Variants in ZSWIM6 observed in about 807,000 individuals in gnomAD.
The protein encoded by ZSWIM6 is zinc finger SWIM domain-containing protein 6.
In ZSWIM6, 9 loss-of-function variants were observed where a neutral mutation model predicts 113.2. The observed-to-expected ratio is 0.08, with a 90% CI of 0.05 to 0.14. The LOEUF (loss-of-function observed/expected upper bound fraction) is 0.14, where lower values mean the gene tolerates loss of function less well. Among genes scored for constraint, ZSWIM6 ranks in the 10% least tolerant of loss-of-function variants. The pLI is 1.00. For missense variants in ZSWIM6, 1,162 were observed against 1,552.2 expected, an observed-to-expected ratio of 0.75 and a Z score of 4.22; for synonymous variants, 611 against 606.5, an observed-to-expected ratio of 1.01 and a Z score of -0.11.
At chr5:61,404,352 T>G (rs1746006363) in intron 1 of ZSWIM6, among the ~76,000 whole-genome samples, 1 of 152,200 alleles carries the variant, frequency 6.6e-6, no homozygotes, top group Admixed American at 6.5e-5. Flanking sequence ...CTTTCCGATC[T>G]TTAGGGGAAA....
Position 61,482,136 on chromosome 5 carries a change from G to A in ZSWIM6, c.1034-8650G>A, listed in dbSNP as rs1004123399. Among the ~76,000 whole-genome samples, 28 of 152,274 alleles carry A rather than the reference G, an allele frequency of 1.8e-4. 1 individual carries two copies. Among genetic ancestry groups the A allele is most frequent in the Admixed American group, 5.9e-4 (9 of 15,292 alleles). On this transcript the variant is annotated intron_variant, in intron 2 of 13. Coordinates refer to ENST00000252744, the MANE Select transcript of ZSWIM6 (RefSeq NM_020928.2). ...GGTTTGTCTTTGATTATAGACAGCC[G>A]TTAACAAGTAGACATAAATTTTGCA... is the stretch of plus-strand genomic sequence containing the variant.
intron 1 of ZSWIM6, among the ~76,000 whole-genome samples, chr5:61,445,513 A>G (rs779311065): frequency 1.3e-5 from 2 of 152,232 alleles, no homozygotes; most frequent in Non-Finnish European, 2.9e-5. Context: ...GGATAAAAAA[A>G]TCATTGGAAA....
In ZSWIM6 at chr5:61,332,399, C is replaced by A; in HGVS notation, c.127C>A (p.Arg43=). The change falls in exon 1 of 14, where the codon CGG becomes AGG. Residue 43 remains arginine, a synonymous_variant. Transcript: ENST00000252744. The stretch of plus-strand genomic sequence containing the variant: ...GGGTGGCGGCTACAGCTCTGCCTGT[C>A]GGCCAGGCCCGCGGGCGGGTGGCGC... The part of the protein sequence containing the change: ...GAGGGYSSAC[R]PGPRAGGAAA... 2.0e-6 allele frequency: 2 copies of A among 991,008 alleles called. No homozygotes were observed. Among genetic ancestry groups the A allele is most frequent in the South Asian group, 9.1e-5 (2 of 22,072 alleles). 61.4% of individuals were successfully genotyped at this position (991,008 alleles called of 1,614,324 possible). A position where few individuals can be genotyped will look rare whatever the true frequency, so the allele number is the denominator to read the frequency against.
chr5:61,431,407 T>C (rs1004545181), intron 1 of ZSWIM6, among the ~76,000 whole-genome samples: 27 of 139,444 alleles, frequency 1.9e-4, no homozygotes, highest in African/African-American at 6.9e-4. Flanking sequence ...AATCATCTTA[T>C]GGTAAATAAA....
intron 1 of ZSWIM6, among the ~76,000 whole-genome samples, chr5:61,371,451 T>C (rs1745260466): frequency 6.6e-6 from 1 of 152,218 alleles, no homozygotes. Flanking sequence ...TTTACCTAAA[T>C]TGCTTTTATT....
At chr5:61,414,789 A>G (rs1389078505) in intron 1 of ZSWIM6, among the ~76,000 whole-genome samples, 2 of 152,224 alleles carry the variant, frequency 1.3e-5, no homozygotes, top group African/African-American at 4.8e-5. Flanking sequence ...TCAGCGTTCA[A>G]TACTGCTGTT....
intron 2 of ZSWIM6, among the ~76,000 whole-genome samples, chr5:61,485,591 C>T (rs897515683): frequency 2.4e-4 from 36 of 152,234 alleles, no homozygotes; most frequent in African/African-American, 7.5e-4. Flanking sequence ...TCTCTCCATC[C>T]GTTCATCTCC....
chr5:61,489,991 C>T (rs1348665976), intron 2 of ZSWIM6, among the ~76,000 whole-genome samples: 1 of 151,954 alleles, frequency 6.6e-6, no homozygotes, highest in Non-Finnish European at 1.5e-5. Flanking sequence ...GCAGATGAAA[C>T]ACTGAGGATG....
At position 61,531,586 on chromosome 5, in the gene ZSWIM6, G is replaced by A; in HGVS notation, c.2106G>A (p.Gln702=). The A allele has an allele frequency of 6.4e-6, 10 of 1,551,726 alleles. No homozygotes were observed. The highest frequency in any genetic ancestry group is 7.8e-6 in the Non-Finnish European group (9 of 1,146,984). The change falls in exon 9 of 14, where the codon CAG becomes CAA. Residue 702 remains glutamine (Q), a synonymous_variant. Coordinates refer to ENST00000252744, the MANE Select transcript of ZSWIM6 (RefSeq NM_020928.2). ...TAGCCCTGATAGGGCTAGGACAGCA[G>A]CGTATCATGCCTGATGGGCTGTACA... is the stretch of plus-strand genomic sequence containing the variant. ...VEVALIGLGQ[Q]RIMPDGLYTQ...
At chr5:61,355,431 AACACAC>A (rs34072520) in intron 1 of ZSWIM6, among the ~76,000 whole-genome samples, 7,246 of 126,956 alleles carry the variant, frequency 0.057, 198 homozygotes, top group Non-Finnish European at 0.069. Context: ...GAGACTTTAA[AACACAC>A]ACACACACAC....
At chr5:61,391,710 G>T (rs1745719165) in intron 1 of ZSWIM6, 1 of 1,144,080 alleles carries the variant, frequency 8.7e-7, no homozygotes, top group Non-Finnish European at 1.3e-6. Flanking sequence ...GCATGATGTT[G>T]GTCATGCCAG....
chr5:61,530,462 C>T (rs917355048), intron 8 of ZSWIM6, among the ~76,000 whole-genome samples: 10 of 152,122 alleles, frequency 6.6e-5, no homozygotes, highest in Non-Finnish European at 1.5e-4. Context: ...TCTGTATCTA[C>T]GAATTTATCC....
intron 1 of ZSWIM6, among the ~76,000 whole-genome samples, chr5:61,342,737 A>G (rs1008794768): frequency 6.6e-6 from 1 of 152,182 alleles, no homozygotes; most frequent in Non-Finnish European, 1.5e-5. Flanking sequence ...ATTTACACAT[A>G]TTAGGATTTA....
chr5:61,386,239 G>A (rs923853611), intron 1 of ZSWIM6, among the ~76,000 whole-genome samples: 1 of 152,182 alleles, frequency 6.6e-6, no homozygotes, highest in African/African-American at 2.4e-5. Flanking sequence ...TTTATCCCCA[G>A]TGCATCTGTG....
chr5:61,417,575 T>C (rs1746282426), intron 1 of ZSWIM6, among the ~76,000 whole-genome samples: 1 of 152,096 alleles, frequency 6.6e-6, no homozygotes, highest in Non-Finnish European at 1.5e-5. Flanking sequence ...GTCTGAAACA[T>C]AAATGAAAAG....
At chr5:61,397,859 C>T (rs942110437) in intron 1 of ZSWIM6, among the ~76,000 whole-genome samples, 5 of 152,106 alleles carry the variant, frequency 3.3e-5, no homozygotes, top group African/African-American at 4.8e-5. Flanking sequence ...GGAGTTTGGT[C>T]GCAGTGCCTA....
intron 10 of ZSWIM6, 22 bp downstream of exon 10, chr5:61,535,641 G>A (rs1749555770): frequency 1.3e-6 from 2 of 1,549,834 alleles, no homozygotes; most frequent in Admixed American, 2.0e-5. Flanking sequence ...CAGCCCAGCT[G>A]GGCAGAGGCA....
intron 1 of ZSWIM6, among the ~76,000 whole-genome samples, chr5:61,338,247 A>G (rs1744448006): frequency 6.6e-6 from 1 of 151,880 alleles, no homozygotes; most frequent in Non-Finnish European, 1.5e-5. Context: ...CAGATAATTT[A>G]TTGGTTTTTG....
Position 61,543,561 on chromosome 5 carries a change from C to T in ZSWIM6, c.2892C>T (p.Val964=), listed in dbSNP as rs763540616. Residue 964 remains valine, a synonymous_variant, in exon 14 of 14, where the codon GTC becomes GTT. Coordinates refer to ENST00000252744, the MANE Select transcript of ZSWIM6 (RefSeq NM_020928.2). This position sits in a 1 kb window ranked among gnomAD's most constrained non-coding sequence, Gnocchi z 4.3. The part of the protein sequence containing the change: ...ATTVMSNSTI[V]RLHLDCHQQE... ...CCGTGATGTCCAACAGCACCATCGT[C>T]CGCCTCCACCTGGACTGCCACCAGC... 6.4e-7 allele frequency: 1 copy of T among 1,551,712 alleles called. No individual in the cohort carries two copies. Among genetic ancestry groups the T allele is most frequent in the Non-Finnish European group, 8.7e-7 (1 of 1,147,006 alleles).
Sources: gnomAD v4.1 joint callset for allele counts (sites outside exome capture counted in the v4.1 genomes callset) on GRCh38, gnomAD v4.1.1 for gene constraint, Gnocchi (gnomAD v3.1) non-coding constraint, MANE v1.5 for transcripts, NCBI Gene and HGNC (gene_info 2026-07-23, HGNC 2026-07-21) for gene names.